TBC1D4: variants seen among roughly 807,000 people sequenced by gnomAD.
The protein encoded by TBC1D4 is TBC1 domain family member 4.
TBC1D4 carries 121 observed loss-of-function variants against 142.5 expected under a neutral mutation model. That is an observed-to-expected ratio of 0.85 (90% confidence interval 0.73 to 0.99). The LOEUF is 0.99. TBC1D4 is among the 50% of genes least tolerant of loss of function. The pLI, the probability that TBC1D4 is intolerant of heterozygous loss-of-function variation, is 0.00. For missense variants in TBC1D4, 1,475 were observed against 1,606.6 expected (o/e 0.92, Z 1.40); for synonymous variants, 630 against 628.2 (o/e 1.00, Z -0.04).
chr13:75,403,253 A>G (rs771026521), intron 1 of TBC1D4, among the ~76,000 whole-genome samples: 7 of 152,182 alleles, frequency 4.6e-5, no homozygotes, highest in Non-Finnish European at 1.0e-4. Flanking sequence ...TTTAGGGGAA[A>G]AGTGTGTGGG....
intron 1 of TBC1D4, among the ~76,000 whole-genome samples, chr13:75,432,283 T>G (rs1886620965): frequency 6.6e-6 from 1 of 152,110 alleles, no homozygotes; most frequent in East Asian, 1.9e-4. Flanking sequence ...AAGGGATAAA[T>G]GTATTAACTG....
At chr13:75,355,201 C>G (rs1408847899) in intron 4 of TBC1D4, among the ~76,000 whole-genome samples, 1 of 152,196 alleles carries the variant, frequency 6.6e-6, no homozygotes, top group Non-Finnish European at 1.5e-5. Flanking sequence ...TGCTGCCTGA[C>G]TGATTTCTAT....
At chr13:75,347,154 C>T (rs370821420) in intron 5 of TBC1D4, among the ~76,000 whole-genome samples, 13 of 152,294 alleles carry the variant, frequency 8.5e-5, no homozygotes, top group Admixed American at 7.2e-4. Context: ...ATCAGTATTA[C>T]ACAAACGTAT....
chr13:75,405,019 T>G (rs537939083), intron 1 of TBC1D4, among the ~76,000 whole-genome samples: 1 of 152,158 alleles, frequency 6.6e-6, no homozygotes, highest in Admixed American at 6.5e-5. Flanking sequence ...GACAAACTAT[T>G]TGGGTAGGGT....
At chr13:75,392,532 T>C (rs1884542113) in intron 1 of TBC1D4, among the ~76,000 whole-genome samples, 1 of 152,190 alleles carries the variant, frequency 6.6e-6, no homozygotes, top group Non-Finnish European at 1.5e-5. Context: ...TGTCCTCTCA[T>C]ACACTGAAGA....
chr13:75,419,503 G>A (rs1199461366), intron 1 of TBC1D4, among the ~76,000 whole-genome samples: 1 of 152,100 alleles, frequency 6.6e-6, no homozygotes, highest in South Asian at 2.1e-4. Flanking sequence ...ATACCTCGAA[G>A]TTGTATAAAA....
At chr13:75,289,702 A>C (rs1396173232) in intron 19 of TBC1D4, among the ~76,000 whole-genome samples, 1 of 152,192 alleles carries the variant, frequency 6.6e-6, no homozygotes, top group Non-Finnish European at 1.5e-5. Context: ...AGAATCCTCA[A>C]AATTGCACAC....
At chr13:75,326,979 G>A (rs903328845) in intron 9 of TBC1D4, among the ~76,000 whole-genome samples, 5 of 152,160 alleles carry the variant, frequency 3.3e-5, no homozygotes, top group South Asian at 2.1e-4. Context: ...CACCGTGGAT[G>A]TTTCTATTCA....
chr13:75,368,482 C>T (rs968471063), intron 1 of TBC1D4, among the ~76,000 whole-genome samples: 12 of 137,546 alleles, frequency 8.7e-5, no homozygotes, highest in African/African-American at 3.7e-4. Context: ...TGCTCCAAAC[C>T]CATTTATGGT....
chr13:75,317,751 T>TA (rs1446640352), intron 12 of TBC1D4, among the ~76,000 whole-genome samples: 1 of 152,202 alleles, frequency 6.6e-6, no homozygotes, highest in Non-Finnish European at 1.5e-5. Flanking sequence ...GAAGGAAACA[T>TA]AACTTGGAGA....
intron 1 of TBC1D4, among the ~76,000 whole-genome samples, chr13:75,413,733 A>C (rs1408601417): frequency 6.6e-6 from 1 of 152,156 alleles, no homozygotes; most frequent in Non-Finnish European, 1.5e-5. Flanking sequence ...ACTTTGTATT[A>C]CACTGTCAAG....
intron 13 of TBC1D4, 24 bp from the exon 14 acceptor site, chr13:75,310,175 G>T: frequency 6.2e-7 from 1 of 1,607,298 alleles, no homozygotes; most frequent in Admixed American, 1.7e-5. Flanking sequence ...CACAGTGAGA[G>T]GCATTCCTTA....
chr13:75,344,510 T>C (rs1880996728), intron 5 of TBC1D4, among the ~76,000 whole-genome samples: 1 of 152,162 alleles, frequency 6.6e-6, no homozygotes, highest in Admixed American at 6.5e-5. Flanking sequence ...ATTGAAAGCA[T>C]GTATATTATC....
In TBC1D4 at chr13:75,464,640, A is replaced by C. The variant is rs547792491; in HGVS notation, c.498+16630T>G. Reference sequence around the variant, plus strand: ...GTGTGTCTTTAATTCCTCTAGCACCACTGGGTTAGGGTCTTCACAACCGGG... The same window carrying C: ...GTGTGTCTTTAATTCCTCTAGCACCCCTGGGTTAGGGTCTTCACAACCGGG... On this transcript the variant is annotated intron_variant, in intron 1 of 20. Coordinates refer to ENST00000377636, the MANE Select transcript of TBC1D4 (RefSeq NM_014832.5). Among the ~76,000 whole-genome samples the C allele has an allele frequency of 2.0e-5, 3 of 152,212 alleles. No individual in the cohort carries two copies. The East Asian group carries it at 5.8e-4, about 29-fold the overall frequency.
intron 1 of TBC1D4, among the ~76,000 whole-genome samples, chr13:75,411,784 C>T (rs1280786634): frequency 2.0e-5 from 3 of 152,026 alleles, no homozygotes; most frequent in Non-Finnish European, 2.9e-5. Context: ...GTGATCCACC[C>T]GCCTCGGCCT....
intron 1 of TBC1D4, among the ~76,000 whole-genome samples, chr13:75,427,662 C>G (rs947781806): frequency 5.9e-5 from 9 of 152,184 alleles, no homozygotes. Flanking sequence ...GGCACTTGCC[C>G]CAATACTCAC....
At chr13:75,411,333 A>G (rs1885650866) in intron 1 of TBC1D4, among the ~76,000 whole-genome samples, 1 of 152,164 alleles carries the variant, frequency 6.6e-6, no homozygotes, top group Non-Finnish European at 1.5e-5. Context: ...CATTAATACT[A>G]TTATTATGTC....
intron 12 of TBC1D4, among the ~76,000 whole-genome samples, chr13:75,317,959 A>G (rs1304222989): frequency 6.6e-6 from 1 of 152,212 alleles, no homozygotes; most frequent in Non-Finnish European, 1.5e-5. Context: ...AAATGCTATA[A>G]TATGAACTTG....
At chr13:75,353,518 T>C (rs556806414) in intron 4 of TBC1D4, among the ~76,000 whole-genome samples, 2 of 152,272 alleles carry the variant, frequency 1.3e-5, no homozygotes, top group African/African-American at 2.4e-5. Flanking sequence ...TAGGTGGTTA[T>C]GCAACAATAA....
Sources: gnomAD v4.1 joint callset for allele counts (sites outside exome capture counted in the v4.1 genomes callset) on GRCh38, gnomAD v4.1.1 for gene constraint, MANE v1.5 for transcripts, NCBI Gene and HGNC (gene_info 2026-07-23, HGNC 2026-07-21) for gene names.